FMO3: variants seen among roughly 807,000 people sequenced by gnomAD.
FMO3 encodes flavin containing dimethylaniline monoxygenase 3.
FMO3 carries 40 observed loss-of-function variants against 39.4 expected under a neutral mutation model. The ratio of observed to expected loss-of-function variants is 1.02; its 90% CI spans 0.79 to 1.32. The LOEUF (loss-of-function observed/expected upper bound fraction) is 1.32. Ranked by LOEUF, FMO3 falls within the 40% of genes most tolerant of loss-of-function variation. The pLI, the probability that FMO3 is intolerant of heterozygous loss-of-function variation, is 0.00. For missense variants in FMO3, 680 were observed against 651.8 expected (o/e 1.04, Z -0.47); for synonymous variants, 219 against 228.8 (o/e 0.96, Z 0.39).
chr1:171,101,238 T>G (rs372403982), intron 2 of FMO3: 7 of 456,202 alleles, frequency 1.5e-5, no homozygotes, highest in Non-Finnish European at 2.6e-5. Context: ...AGCCTACTGA[T>G]AGTGATTCCC....
At chr1:171,091,666 G>A (rs922814076) in intron 1 of FMO3, among the ~76,000 whole-genome samples, 2 of 151,266 alleles carry the variant, frequency 1.3e-5, no homozygotes, top group Non-Finnish European at 2.9e-5. Context: ...ATAGCTCACT[G>A]CAGCCTCAAA....
intron 2 of FMO3, among the ~76,000 whole-genome samples, chr1:171,099,170 A>T (rs1044341493): frequency 2.0e-5 from 3 of 152,158 alleles, no homozygotes; most frequent in African/African-American, 7.2e-5. Context: ...GTAGTCATTC[A>T]GGAGAAGGTT....
At chr1:171,114,467 T>C (rs1341409866) in intron 7 of FMO3, 105 bp downstream of exon 7, 4 of 846,314 alleles carry the variant, frequency 4.7e-6, no homozygotes, top group Non-Finnish European at 7.7e-6. Context: ...CCCTTCAGTT[T>C]TGAAAATTTA....
In FMO3 at chr1:171,117,354, G is replaced by C. The variant is rs754517205; in HGVS notation, c.1511G>C (p.Arg504Thr). 6.2e-7 allele frequency: 1 copy of C among 1,612,944 alleles called. No individual in the cohort carries two copies. The highest frequency in any genetic ancestry group is 1.1e-5 in the South Asian group (1 of 91,014). The change falls in exon 9 of 9, where the codon AGA becomes ACA. Residue 504 changes from arginine to threonine, a missense_variant. Transcript: ENST00000367755. ...LKPMQTRVVG[R>T]LQKPCFFFHW... Reference sequence around the variant, plus strand: ...CCCATGCAGACACGAGTGGTCGGGAGACTTCAGAAGCCTTGCTTCTTTTTC... The same window carrying C: ...CCCATGCAGACACGAGTGGTCGGGACACTTCAGAAGCCTTGCTTCTTTTTC...
chr1:171,105,918 CTTAAT>C (rs1182669151), intron 3 of FMO3, among the ~76,000 whole-genome samples: 3 of 152,076 alleles, frequency 2.0e-5, no homozygotes, highest in African/African-American at 7.2e-5. Flanking sequence ...TAATCTTTAT[CTTAAT>C]TTATCTTAAA....
chr1:171,099,243 T>C (rs1378442232), intron 2 of FMO3, among the ~76,000 whole-genome samples: 1 of 152,214 alleles, frequency 6.6e-6, no homozygotes, highest in Non-Finnish European at 1.5e-5. Context: ...TCTAGTTTGA[T>C]TGCACTGTGG....
intron 6 of FMO3, among the ~76,000 whole-genome samples, chr1:171,111,402 T>G (rs1655902398): frequency 6.6e-6 from 1 of 152,140 alleles, no homozygotes; most frequent in Admixed American, 6.5e-5. Context: ...ATAACTTTAC[T>G]AAGGTCCCAC....
chr1:171,107,916 T>C (rs1655721706), intron 4 of FMO3, 79 bp downstream of exon 4: 1 of 1,481,046 alleles, frequency 6.8e-7, no homozygotes, highest in Non-Finnish European at 9.4e-7. Flanking sequence ...TTTCTAAAAG[T>C]ATAAGCAGGT....
chr1:171,101,109 G>A (rs1181039141), intron 2 of FMO3: 4 of 455,966 alleles, frequency 8.8e-6, no homozygotes, highest in African/African-American at 4.0e-5. Flanking sequence ...GTACAAGAGG[G>A]GTCTTGCCAC....
intron 2 of FMO3, among the ~76,000 whole-genome samples, chr1:171,102,526 C>T (rs912398577): frequency 6.6e-6 from 1 of 152,158 alleles, no homozygotes; most frequent in African/African-American, 2.4e-5. Flanking sequence ...AGCTCTTCCA[C>T]AGTAACTGTA....
At chr1:171,096,112 T>G (rs1655019365) in intron 2 of FMO3, among the ~76,000 whole-genome samples, 1 of 83,022 alleles carries the variant, frequency 1.2e-5, no homozygotes, top group Non-Finnish European at 2.1e-5. Context: ...TAATTAATTA[T>G]TATATATTAA....
intron 6 of FMO3, 79 bp downstream of exon 6, chr1:171,111,076 A>G: frequency 8.9e-7 from 1 of 1,128,362 alleles, no homozygotes; most frequent in Non-Finnish European, 1.3e-6. Context: ...TAAGCCCAAA[A>G]CAAATCAAAG....
intron 7 of FMO3, among the ~76,000 whole-genome samples, chr1:171,115,993 A>G (rs1432169859): frequency 6.6e-6 from 1 of 152,244 alleles, no homozygotes; most frequent in Non-Finnish European, 1.5e-5. Context: ...GTTTTGAAAC[A>G]TCTTGTAACC....
At chr1:171,102,808 C>T (rs1210418761) in intron 2 of FMO3, among the ~76,000 whole-genome samples, 1 of 152,118 alleles carries the variant, frequency 6.6e-6, no homozygotes, top group Admixed American at 6.6e-5. Context: ...TTAACATTTC[C>T]TCTAAGGCTT....
Position 171,117,198 on chromosome 1 carries a change from T to C in FMO3, c.1355T>C (p.Leu452Pro). The change falls in exon 9 of 9, where the codon CTC becomes CCC. Residue 452 changes from leucine to proline, a missense_variant. Physicochemically the swap from Leu to Pro is moderately conservative, Grantham distance 98. Transcript: ENST00000367755. ...AAGCCCAACATCCCATGGCTGTTTC[T>C]CACAGATCCCAAATTGGCCATGGAA... is the stretch of plus-strand genomic sequence containing the variant. ...GAKPNIPWLF[L>P]TDPKLAMEVY... 1 of 1,614,172 alleles carries C rather than the reference T, an allele frequency of 6.2e-7. No individual in the cohort carries two copies. Among genetic ancestry groups the C allele is most frequent in the Non-Finnish European group, 8.5e-7 (1 of 1,179,990 alleles).
intron 2 of FMO3, among the ~76,000 whole-genome samples, chr1:171,095,316 A>C (rs925851049): frequency 6.6e-6 from 1 of 152,196 alleles, no homozygotes; most frequent in African/African-American, 2.4e-5. Context: ...TGTCCCGTGC[A>C]TATGTAATAA....
chr1:171,111,260 A>G (rs930331650), intron 6 of FMO3, among the ~76,000 whole-genome samples: 1 of 152,204 alleles, frequency 6.6e-6, no homozygotes, highest in Non-Finnish European at 1.5e-5. Flanking sequence ...AGCATTTTAT[A>G]CATGTCAGAG....
At chr1:171,113,508 C>T (rs76575647) in intron 6 of FMO3, among the ~76,000 whole-genome samples, 1,966 of 152,292 alleles carry the variant, frequency 0.013, 18 homozygotes, top group Middle Eastern at 0.041. Context: ...TTAACATTTT[C>T]GAGCTCCATG....
intron 8 of FMO3, 26 bp downstream of exon 8, chr1:171,116,306 T>A (rs1557947845): frequency 3.3e-6 from 4 of 1,227,258 alleles, no homozygotes; most frequent in Non-Finnish European, 4.8e-6. Context: ...GTAATAGGAG[T>A]GTAGGATTTC....
Sources: gnomAD v4.1 joint callset for allele counts (sites outside exome capture counted in the v4.1 genomes callset) on GRCh38, gnomAD v4.1.1 for gene constraint, MANE v1.5 for transcripts, NCBI Gene and HGNC (gene_info 2026-07-23, HGNC 2026-07-21) for gene names.